The following SHANK2 variants were observed in gnomAD, a reference collection of about 807,000 sequenced individuals.
SHANK2 encodes the protein SH3 and multiple ankyrin repeat domains 2, also known as SH3 and multiple ankyrin repeat domains protein 2.
In SHANK2, 43 loss-of-function variants were observed where a neutral mutation model predicts 133.7. That is an observed-to-expected ratio of 0.32 (90% CI 0.25 to 0.41). SHANK2 has a LOEUF of 0.41. Among genes scored for constraint, SHANK2 ranks in the 10% least tolerant of loss-of-function variants. The pLI, the probability that SHANK2 is intolerant of heterozygous loss-of-function variation, is 1.00. For missense variants in SHANK2, 1,994 were observed against 2,235.8 expected, an observed-to-expected ratio of 0.89 and a Z score of 2.18; for synonymous variants, 1,017 against 952.8, an observed-to-expected ratio of 1.07 and a Z score of -1.24.
intron 8 of SHANK2, among the ~76,000 whole-genome samples, chr11:71,076,225 G>T (rs1951216656): frequency 5.3e-5 from 8 of 152,166 alleles, no homozygotes; most frequent in Admixed American, 2.6e-4. Context: ...AGTCGGTCCT[G>T]ACCTAACACA....
At chr11:70,607,833 C>G (rs1196908695) in intron 17 of SHANK2, among the ~76,000 whole-genome samples, 2 of 152,248 alleles carry the variant, frequency 1.3e-5, no homozygotes, top group Non-Finnish European at 2.9e-5. Flanking sequence ...GGGAGAGGCC[C>G]CATGTGGTGG....
intron 23 of SHANK2, chr11:70,489,914 A>T (rs1295673806): frequency 1.5e-5 from 5 of 337,842 alleles, no homozygotes; most frequent in Non-Finnish European, 2.8e-5. Flanking sequence ...CAGGGAACCC[A>T]CTTACCCTTC....
chr11:70,576,532 G>A, intron 17 of SHANK2, among the ~76,000 whole-genome samples: 1 of 152,178 alleles, frequency 6.6e-6, no homozygotes, highest in Admixed American at 6.5e-5. Flanking sequence ...AGCTACTGGG[G>A]AGGCTGAGGC....
chr11:71,216,718 G>A (rs560043204), intron 2 of SHANK2, among the ~76,000 whole-genome samples: 13 of 152,252 alleles, frequency 8.5e-5, no homozygotes, highest in Admixed American at 2.0e-4. Context: ...CAGGGACGTC[G>A]TAGCTCAATG....
In SHANK2 at chr11:70,471,172, A is replaced by C. The variant is rs1445250601; in HGVS notation, c.*1697T>G. ...TATTGTGCTTATAAACTATCTGTACAACTATTTAAACTTGCAGTAAAGAAA... is the reference window on the plus strand; with the variant it reads ...TATTGTGCTTATAAACTATCTGTACCACTATTTAAACTTGCAGTAAAGAAA... On this transcript the variant is annotated 3_prime_UTR_variant, in exon 26 of 26. Coordinates refer to ENST00000601538, the MANE Select transcript of SHANK2 (RefSeq NM_012309.5). The surrounding 1 kb of genome is among the most constrained non-coding windows in gnomAD (Gnocchi z 4.1). 7.5e-6 allele frequency: 3 copies of C among 398,596 alleles called. No individual in the cohort carries two copies. Among genetic ancestry groups the C allele is most frequent in the African/African-American group, 4.1e-5 (2 of 48,604 alleles). The allele number at this position is 398,596 out of a possible 1,614,324, so 24.7% of individuals were successfully genotyped here. A position where few individuals can be genotyped will look rare whatever the true frequency, so the allele number is the denominator to read the frequency against.
At chr11:71,198,657 G>A (rs1268455972) in intron 2 of SHANK2, among the ~76,000 whole-genome samples, 1 of 152,142 alleles carries the variant, frequency 6.6e-6, no homozygotes, top group South Asian at 2.1e-4. Flanking sequence ...CTGGGGATGG[G>A]CCAAGACCAG....
intron 1 of SHANK2, among the ~76,000 whole-genome samples, chr11:71,234,169 A>G (rs1954792060): frequency 7.8e-6 from 1 of 127,820 alleles, no homozygotes; most frequent in African/African-American, 3.1e-5. Context: ...AACATAGTGA[A>G]ACTCCCTCTC....
chr11:70,885,578 AGG>A (rs1326700084), intron 11 of SHANK2, among the ~76,000 whole-genome samples: 2 of 152,196 alleles, frequency 1.3e-5, no homozygotes, highest in Non-Finnish European at 2.9e-5. Context: ...GCTGCGCAGG[AGG>A]CATGGGGCAA....
At chr11:70,602,587 CA>C (rs1161564772) in intron 17 of SHANK2, among the ~76,000 whole-genome samples, 1 of 152,204 alleles carries the variant, frequency 6.6e-6, no homozygotes, top group Non-Finnish European at 1.5e-5. Context: ...GCTCTGGAAA[CA>C]AAAACATTTC....
chr11:71,222,674 A>G (rs782545330), intron 2 of SHANK2, among the ~76,000 whole-genome samples: 1 of 152,246 alleles, frequency 6.6e-6, no homozygotes, highest in Non-Finnish European at 1.5e-5. Context: ...GACTGCTGAC[A>G]ACATCTTATG....
chr11:70,473,124 G>A lies in SHANK2; in HGVS notation c.5295C>T (p.Ser1765=). 1.2e-6 allele frequency: 2 copies of A among 1,614,258 alleles called. No individual in the cohort carries two copies. Among genetic ancestry groups the A allele is most frequent in the South Asian group, 2.2e-5 (2 of 91,090 alleles). ...AGATTGGCTGTTGCAGTATCGAGGG[G>A]GATGGCGACCTACTGCGTCCCGCTG... ...LNPAGRSRSP[S]PSILQQPISN... Residue 1765 remains serine (S), a synonymous_variant, in exon 26 of 26, where the codon TCC becomes TCT. Coordinates refer to ENST00000601538, the MANE Select transcript of SHANK2 (RefSeq NM_012309.5). This position sits in a 1 kb window ranked among gnomAD's most constrained non-coding sequence, Gnocchi z 5.9.
intron 6 of SHANK2, among the ~76,000 whole-genome samples, chr11:71,105,683 C>G (rs73521152): frequency 0.012 from 1,795 of 151,282 alleles, 38 homozygotes; most frequent in African/African-American, 0.041. Context: ...GGCAGTGAAG[C>G]TGATCTTTAT....
At chr11:71,159,055 T>G (rs1206290469) in intron 2 of SHANK2, among the ~76,000 whole-genome samples, 1 of 152,208 alleles carries the variant, frequency 6.6e-6, no homozygotes, top group African/African-American at 2.4e-5. Flanking sequence ...AAATGCTGCT[T>G]TATTGCTGTG....
At chr11:70,934,573 G>T (rs934719273) in intron 10 of SHANK2, among the ~76,000 whole-genome samples, 4 of 152,326 alleles carry the variant, frequency 2.6e-5, no homozygotes, top group African/African-American at 9.6e-5. Flanking sequence ...GTCACCCCCA[G>T]ATAGCCTCTC....
chr11:70,705,437 A>C (rs1226997511), intron 14 of SHANK2, among the ~76,000 whole-genome samples: 1 of 152,222 alleles, frequency 6.6e-6, no homozygotes, highest in East Asian at 1.9e-4. Context: ...GACAAAATCA[A>C]GGCAAAGGCT....
At chr11:70,622,219 G>A (rs529844438) in intron 17 of SHANK2, among the ~76,000 whole-genome samples, 9 of 152,200 alleles carry the variant, frequency 5.9e-5, no homozygotes, top group African/African-American at 1.4e-4. Context: ...ACACAGCACC[G>A]CAACTTCCCC....
chr11:70,504,410 G>A (rs1370709653), intron 17 of SHANK2, among the ~76,000 whole-genome samples: 4 of 127,488 alleles, frequency 3.1e-5, no homozygotes, highest in Non-Finnish European at 7.1e-5. Flanking sequence ...CCTACGAGAC[G>A]GCTGCAGAGG....
At chr11:70,595,026 G>A (rs1310821568) in intron 17 of SHANK2, among the ~76,000 whole-genome samples, 1 of 152,226 alleles carries the variant, frequency 6.6e-6, no homozygotes, top group African/African-American at 2.4e-5. Flanking sequence ...TTTCCTGGCA[G>A]GCTTCACATC....
chr11:70,741,369 A>ATCCC (rs1230744029), intron 14 of SHANK2, among the ~76,000 whole-genome samples: 2 of 139,372 alleles, frequency 1.4e-5, no homozygotes, highest in Non-Finnish European at 3.1e-5. Flanking sequence ...CCATCCATCC[A>ATCCC]TCCCTCCATC....
Sources: gnomAD v4.1 joint callset for allele counts (sites outside exome capture counted in the v4.1 genomes callset) on GRCh38, gnomAD v4.1.1 for gene constraint, Gnocchi (gnomAD v3.1) non-coding constraint, MANE v1.5 for transcripts, NCBI Gene and HGNC (gene_info 2026-07-23, HGNC 2026-07-21) for gene names.